The following ANO4 variants were observed in gnomAD, a reference collection of about 807,000 sequenced individuals.
ANO4 encodes the protein anoctamin-4.
A neutral mutation model predicts 141.9 loss-of-function variants in ANO4; 69 were observed. The observed-to-expected ratio is 0.49, with a 90% CI of 0.40 to 0.59. The LOEUF is 0.59. Among genes scored for constraint, ANO4 ranks in the 20% least tolerant of loss-of-function variants. The pLI, the probability that ANO4 is intolerant of heterozygous loss-of-function variation, is 0.00. For synonymous variants in ANO4, 350 were observed against 394.3 expected (o/e 0.89, Z 1.33); for missense variants, 894 against 1,162.2 (o/e 0.77, Z 3.36).
intron 1 of ANO4, among the ~76,000 whole-genome samples, chr12:100,856,258 T>G (rs916211008): frequency 3.3e-5 from 5 of 152,206 alleles, no homozygotes; most frequent in Admixed American, 6.5e-5. Flanking sequence ...GAGAAAAGCA[T>G]GCACTGTAGA....
intron 26 of ANO4, among the ~76,000 whole-genome samples, chr12:101,121,418 C>G (rs979271637): frequency 6.6e-6 from 1 of 152,148 alleles, no homozygotes; most frequent in Non-Finnish European, 1.5e-5. Context: ...TGGTTTCATT[C>G]TTTTTTATGG....
chr12:101,090,013 G>T (rs942415609), intron 17 of ANO4, among the ~76,000 whole-genome samples: 1 of 152,136 alleles, frequency 6.6e-6, no homozygotes, highest in Non-Finnish European at 1.5e-5. Context: ...ACCATCACTG[G>T]CCATCAGAGA....
At chr12:100,908,275 G>A (rs1256274018) in intron 2 of ANO4, among the ~76,000 whole-genome samples, 1 of 152,194 alleles carries the variant, frequency 6.6e-6, no homozygotes, top group Non-Finnish European at 1.5e-5. Flanking sequence ...CTTGAACTCG[G>A]GAGGCGGAGG....
intron 1 of ANO4, among the ~76,000 whole-genome samples, chr12:100,811,312 G>A (rs1178330098): frequency 1.3e-5 from 2 of 152,152 alleles, no homozygotes; most frequent in East Asian, 3.8e-4. Flanking sequence ...CATTAGCAAA[G>A]GGTTATAAGA....
intron 1 of ANO4, among the ~76,000 whole-genome samples, chr12:100,816,291 A>C (rs1244520157): frequency 2.0e-5 from 3 of 152,082 alleles, no homozygotes; most frequent in Non-Finnish European, 4.4e-5. Context: ...GTTATGAGTT[A>C]CAGGCAAATG....
intron 1 of ANO4, among the ~76,000 whole-genome samples, chr12:100,857,707 GT>G (rs2038251980): frequency 6.6e-6 from 1 of 152,122 alleles, no homozygotes; most frequent in African/African-American, 2.4e-5. Context: ...TATATCCGCT[GT>G]GTTTGAGGAG....
intron 3 of ANO4, among the ~76,000 whole-genome samples, chr12:100,741,031 T>C (rs1208283464): frequency 6.6e-6 from 1 of 152,250 alleles, no homozygotes; most frequent in Non-Finnish European, 1.5e-5. Flanking sequence ...AGAAGAATGC[T>C]TACAACATCC....
intron 1 of ANO4, among the ~76,000 whole-genome samples, chr12:100,811,986 G>A (rs2035465293): frequency 6.6e-6 from 1 of 151,758 alleles, no homozygotes; most frequent in African/African-American, 2.4e-5. Context: ...CCACATGTGT[G>A]TACACATATG....
intron 1 of ANO4, among the ~76,000 whole-genome samples, chr12:100,806,524 G>GGTTTTTTTTTT (rs2035045491): frequency 1.7e-5 from 1 of 59,880 alleles, no homozygotes; most frequent in Non-Finnish European, 3.2e-5. Context: ...TTTTTGTTTC[G>GGTTTTTTTTTT]TTTTTTTTTT....
chr12:100,894,993 G>T (rs1266806340), intron 1 of ANO4, among the ~76,000 whole-genome samples: 2 of 149,118 alleles, frequency 1.3e-5, no homozygotes, highest in African/African-American at 2.5e-5. Context: ...AAAAAGAAAA[G>T]CTCCAGAAAG....
At chr12:100,971,867 A>C (rs971392278) in intron 6 of ANO4, among the ~76,000 whole-genome samples, 6 of 151,138 alleles carry the variant, frequency 4.0e-5, no homozygotes, top group East Asian at 2.0e-4. Context: ...AAAAAAAAAC[A>C]AAAAAAACCA....
chr12:100,998,381 A>ATCTG (rs1555272055), intron 8 of ANO4, among the ~76,000 whole-genome samples: 2 of 114,654 alleles, frequency 1.7e-5, no homozygotes, highest in Admixed American at 9.9e-5. Flanking sequence ...ACTCCCCTTT[A>ATCTG]TCTATCTATC....
At chr12:100,899,838 A>C (rs994083221) in intron 1 of ANO4, among the ~76,000 whole-genome samples, 1 of 152,104 alleles carries the variant, frequency 6.6e-6, no homozygotes, top group Non-Finnish European at 1.5e-5. Context: ...TTCAATATCC[A>C]TTTTAATGCA....
intron 26 of ANO4, among the ~76,000 whole-genome samples, chr12:101,123,046 G>A (rs2051158088): frequency 6.6e-6 from 1 of 152,106 alleles, no homozygotes; most frequent in Admixed American, 6.5e-5. Flanking sequence ...AGTCATAAGT[G>A]GAAATTTCAT....
chr12:101,064,660 TATTATAATAATA>T lies in ANO4; in HGVS notation c.1313-14530_1313-14519del, dbSNP rs1420575647. On this transcript the variant is annotated intron_variant, in intron 14 of 27. Transcript: ENST00000392977. ...TGCACATGTATCCCAGAACTTAAAG[TATTATAATAATA>T]ATAATAATAATAATAATAATAATAA... Among the ~76,000 whole-genome samples, 919 of 122,384 alleles carry T rather than the reference TATTATAATAATA, an allele frequency of 7.5e-3. 36 individuals are homozygous for T. Among genetic ancestry groups the T allele is most frequent in the Admixed American group, 0.056 (736 of 13,084 alleles). The allele number at this position is 122,384 out of a possible 152,430, so 80.3% of individuals were successfully genotyped here. A position where few individuals can be genotyped will look rare whatever the true frequency, so the allele number is the denominator to read the frequency against.
rs559202049 is a variant in ANO4 at position 100,954,689 on chromosome 12, G to C, written c.456+12154G>C. Among the ~76,000 whole-genome samples, 9 of 152,298 alleles carry C rather than the reference G, an allele frequency of 5.9e-5. No homozygotes were observed. In the South Asian group the frequency reaches 1.9e-3, roughly 32 times the overall value. Reference sequence around the variant, plus strand: ...GCCCCATCTCTGTAATACCCAGATGGTTTAAAAGTTGTAAGGTCTGAAATC... The same window carrying C: ...GCCCCATCTCTGTAATACCCAGATGCTTTAAAAGTTGTAAGGTCTGAAATC... On this transcript the variant is annotated intron_variant, in intron 5 of 27. Transcript: ENST00000392977.
At chr12:100,939,502 C>T (rs2136167801) in intron 4 of ANO4, 51 bp downstream of exon 4, 1 of 1,591,540 alleles carries the variant, frequency 6.3e-7, no homozygotes, top group Non-Finnish European at 8.6e-7. Context: ...AGGCAGGAAC[C>T]TGTGAAGCAT....
intron 1 of ANO4, among the ~76,000 whole-genome samples, chr12:100,798,339 A>G (rs888839390): frequency 6.6e-6 from 1 of 152,174 alleles, no homozygotes; most frequent in Non-Finnish European, 1.5e-5. Flanking sequence ...ACAAAGAGTT[A>G]TGTGCGACTC....
At chr12:100,959,426 A>G (rs978560051) in intron 5 of ANO4, among the ~76,000 whole-genome samples, 36 of 152,056 alleles carry the variant, frequency 2.4e-4, no homozygotes, top group African/African-American at 8.2e-4. Context: ...CTCTCCTCTA[A>G]TGACCACTCC....
Sources: allele counts gnomAD v4.1 joint callset (sites outside exome capture counted in the v4.1 genomes callset), GRCh38; gene constraint gnomAD v4.1.1; transcripts MANE v1.5; gene names NCBI Gene and HGNC (gene_info 2026-07-23, HGNC 2026-07-21).